LARGE1: variants seen among roughly 807,000 people sequenced by gnomAD.
LARGE1 encodes the protein xylosyl- and glucuronyltransferase LARGE1.
A neutral mutation model predicts 87.6 loss-of-function variants in LARGE1; 43 were observed. The ratio of observed to expected loss-of-function variants is 0.49; its 90% CI spans 0.38 to 0.63. The LOEUF is 0.63. LARGE1 is among the 30% of genes least tolerant of loss of function. The pLI is 0.00. For synonymous variants in LARGE1, 434 were observed against 394.6 expected, an observed-to-expected ratio of 1.10 and a Z score of -1.18; for missense variants, 802 against 1,000.2, an observed-to-expected ratio of 0.80 and a Z score of 2.67.
chr22:33,484,758 T>C (rs1298050281), intron 6 of LARGE1, among the ~76,000 whole-genome samples: 1 of 152,196 alleles, frequency 6.6e-6, no homozygotes, highest in East Asian at 1.9e-4. Flanking sequence ...GGTCTGGTTA[T>C]TCCTGTTCAG....
intron 6 of LARGE1, among the ~76,000 whole-genome samples, chr22:33,463,501 T>C (rs2068462600): frequency 6.6e-6 from 1 of 152,116 alleles, no homozygotes; most frequent in African/African-American, 2.4e-5. Flanking sequence ...ATAGGAAGAT[T>C]CATTATCACA....
chr22:33,800,687 T>C (rs977617284), intron 1 of LARGE1, among the ~76,000 whole-genome samples: 3 of 152,178 alleles, frequency 2.0e-5, no homozygotes, highest in African/African-American at 7.2e-5. Flanking sequence ...CTCAACGTAA[T>C]AGCCTTTAGC....
At chr22:33,464,014 A>G (rs2068487038) in intron 6 of LARGE1, among the ~76,000 whole-genome samples, 1 of 152,170 alleles carries the variant, frequency 6.6e-6, no homozygotes, top group African/African-American at 2.4e-5. Flanking sequence ...GTTATAAAAA[A>G]GGGAGGAGAG....
intron 9 of LARGE1, among the ~76,000 whole-genome samples, chr22:33,356,509 T>C (rs978701085): frequency 6.6e-6 from 1 of 152,218 alleles, no homozygotes; most frequent in Non-Finnish European, 1.5e-5. Flanking sequence ...TGGTGGCTCA[T>C]GCCTGTAATC....
chr22:33,916,140 G>A (rs2065780211), intron 1 of LARGE1, among the ~76,000 whole-genome samples: 1 of 152,086 alleles, frequency 6.6e-6, no homozygotes, highest in Non-Finnish European at 1.5e-5. Context: ...AATTAGCCGG[G>A]CGTGGGGGCG....
At chr22:33,492,353 C>T (rs75514999) in intron 6 of LARGE1, among the ~76,000 whole-genome samples, 1,937 of 152,296 alleles carry the variant, frequency 0.013, 35 homozygotes, top group African/African-American at 0.043. Flanking sequence ...GCCAGTGACA[C>T]TTTTGCGTCT....
the LARGE1 span, among the ~76,000 whole-genome samples, chr22:33,107,594 G>A: frequency 6.6e-6 from 1 of 151,248 alleles, no homozygotes; most frequent in Non-Finnish European, 1.5e-5. Flanking sequence ...GTCAGGCGCA[G>A]TGGCTCATGC....
At chr22:33,307,957 C>T (rs1935128469) in intron 11 of LARGE1, among the ~76,000 whole-genome samples, 1 of 151,992 alleles carries the variant, frequency 6.6e-6, no homozygotes, top group African/African-American at 2.4e-5. Context: ...CTGGATGAGT[C>T]CATGGAAGAG....
the LARGE1 span, among the ~76,000 whole-genome samples, chr22:33,141,302 T>C: frequency 6.6e-6 from 1 of 151,992 alleles, no homozygotes; most frequent in South Asian, 2.1e-4. Context: ...AAGATGCATA[T>C]GAAGGGTTTG....
At chr22:33,542,156 CTG>C (rs1269865755) in intron 6 of LARGE1, among the ~76,000 whole-genome samples, 1 of 105,500 alleles carries the variant, frequency 9.5e-6, no homozygotes, top group East Asian at 2.4e-4. Flanking sequence ...GAGCAAAACT[CTG>C]TCTCAAAAAA....
chr22:33,378,739 C>T (rs752751770), intron 9 of LARGE1, among the ~76,000 whole-genome samples: 13 of 152,174 alleles, frequency 8.5e-5, no homozygotes, highest in Non-Finnish European at 1.8e-4. Flanking sequence ...ACCTCCTTGA[C>T]AAAAGCATCA....
intron 6 of LARGE1, among the ~76,000 whole-genome samples, chr22:33,520,234 C>G (rs2098877581): frequency 6.6e-6 from 1 of 151,942 alleles, no homozygotes; most frequent in South Asian, 2.1e-4. Flanking sequence ...GCCACCATGC[C>G]TGGCTAATTT....
intron 5 of LARGE1, among the ~76,000 whole-genome samples, chr22:33,577,143 C>A (rs527902500): frequency 2.0e-4 from 31 of 151,978 alleles, no homozygotes; most frequent in Non-Finnish European, 3.7e-4. Flanking sequence ...TGCATGCATT[C>A]TTAACAGACA....
intron 9 of LARGE1, among the ~76,000 whole-genome samples, chr22:33,365,041 T>C (rs1266198373): frequency 2.6e-5 from 4 of 152,114 alleles, no homozygotes; most frequent in East Asian, 1.9e-4. Flanking sequence ...TTTTTAGTTG[T>C]ACTTATTTTT....
intron 11 of LARGE1, among the ~76,000 whole-genome samples, chr22:33,262,516 T>C (rs1189618724): frequency 2.0e-5 from 3 of 152,114 alleles, no homozygotes; most frequent in Non-Finnish European, 2.9e-5. Context: ...GCTCATGCCA[T>C]CTTGCCTCCT....
chr22:33,528,497 G>A (rs5749623), intron 6 of LARGE1, among the ~76,000 whole-genome samples: 68,834 of 152,024 alleles, frequency 0.45, 17,586 homozygotes, highest in Admixed American at 0.56. Flanking sequence ...GGCAGAGTTA[G>A]CATTATCCAA....
chr22:33,682,144 C>T (rs2081793808), intron 2 of LARGE1, among the ~76,000 whole-genome samples: 1 of 152,232 alleles, frequency 6.6e-6, no homozygotes, highest in Admixed American at 6.5e-5. Flanking sequence ...GTGCTCATAA[C>T]TTAAACTTTG....
chr22:33,772,695 T>A (rs897822582), intron 1 of LARGE1, among the ~76,000 whole-genome samples: 1 of 151,884 alleles, frequency 6.6e-6, no homozygotes, highest in Non-Finnish European at 1.5e-5. Context: ...ATAGTACTCA[T>A]CAAATTTCTA....
chr22:33,313,642 A>G (rs750344378), intron 11 of LARGE1, among the ~76,000 whole-genome samples: 3 of 152,154 alleles, frequency 2.0e-5, no homozygotes, highest in Non-Finnish European at 2.9e-5. Flanking sequence ...AGGGGGCTGC[A>G]TGGCTAGGAA....
Sources: allele counts gnomAD v4.1 joint callset (sites outside exome capture counted in the v4.1 genomes callset), GRCh38; gene constraint gnomAD v4.1.1; transcripts MANE v1.5; gene names NCBI Gene and HGNC (gene_info 2026-07-23, HGNC 2026-07-21).